Variants in DEFB119 observed in about 807,000 individuals in gnomAD.
DEFB119 encodes defensin beta 119, also known as beta-defensin 119.
A neutral mutation model predicts 2.5 loss-of-function variants in DEFB119; 3 were observed. That is an observed-to-expected ratio of 1.19 (90% CI 0.54 to 3.07). The LOEUF (loss-of-function observed/expected upper bound fraction) is 3.07. DEFB119 is among the 30% of genes most tolerant of loss of function. The pLI is 0.03. For missense variants in DEFB119, 113 were observed against 101.1 expected (o/e 1.12, Z -0.50); for synonymous variants, 29 against 33.7 (o/e 0.86, Z 0.48).
intron 1 of DEFB119, among the ~76,000 whole-genome samples, chr20:31,388,690 G>C (rs1426514548): frequency 2.6e-5 from 4 of 152,022 alleles, no homozygotes; most frequent in Non-Finnish European, 4.4e-5. Flanking sequence ...TCTCAAGATG[G>C]ACCAACTCTC....
intron 1 of DEFB119, among the ~76,000 whole-genome samples, chr20:31,382,299 A>C (rs894288376): frequency 6.6e-6 from 1 of 152,130 alleles, no homozygotes; most frequent in Non-Finnish European, 1.5e-5. Flanking sequence ...AAAAAAACAA[A>C]ATCTAAAAAA....
At chr20:31,378,058 A>G (rs1986366056) in intron 1 of DEFB119, among the ~76,000 whole-genome samples, 1 of 152,158 alleles carries the variant, frequency 6.6e-6, no homozygotes, top group Non-Finnish European at 1.5e-5. Context: ...AGCGGGGACT[A>G]TTATCACTGC....
intron 1 of DEFB119, among the ~76,000 whole-genome samples, chr20:31,380,674 G>A (rs555548619): frequency 2.0e-5 from 3 of 150,152 alleles, no homozygotes; most frequent in East Asian, 2.0e-4. Context: ...ATCATGTGTC[G>A]AAAAGGACCT....
At chr20:31,382,255 A>G (rs911360064) in intron 1 of DEFB119, among the ~76,000 whole-genome samples, 1 of 152,170 alleles carries the variant, frequency 6.6e-6, no homozygotes, top group Non-Finnish European at 1.5e-5. Context: ...AAGTAAAAAT[A>G]TCAATAAATA....
chr20:31,385,237 G>A (rs1394978999), intron 1 of DEFB119, among the ~76,000 whole-genome samples: 1 of 152,020 alleles, frequency 6.6e-6, no homozygotes, highest in Non-Finnish European at 1.5e-5. Flanking sequence ...CTCTACTCAG[G>A]CCTCATTTTA....
chr20:31,379,330 C>T (rs905045927), intron 1 of DEFB119, among the ~76,000 whole-genome samples: 1 of 152,168 alleles, frequency 6.6e-6, no homozygotes, highest in African/African-American at 2.4e-5. Context: ...TTTAGCTGCT[C>T]TAATAAGTAT....
chr20:31,378,066 T>A (rs1206253386), intron 1 of DEFB119, among the ~76,000 whole-genome samples: 1 of 152,210 alleles, frequency 6.6e-6, no homozygotes, highest in Non-Finnish European at 1.5e-5. Flanking sequence ...CTATTATCAC[T>A]GCTGGATGGT....
At chr20:31,387,817 G>C (rs1329586807) in intron 1 of DEFB119, among the ~76,000 whole-genome samples, 1 of 152,176 alleles carries the variant, frequency 6.6e-6, no homozygotes, top group African/African-American at 2.4e-5. Flanking sequence ...AGGAGGGCAG[G>C]CAGAGGCTCC....
At position 31,389,281 on chromosome 20, in the gene DEFB119, G is replaced by T. The variant is rs752655919; in HGVS notation, c.61+1142C>A. On this transcript the variant is annotated intron_variant, in intron 1 of 1. Transcript: ENST00000376321. ...AGCAGATGTTAGTATCCCTCAAGCG[G>T]AGAGAAAAGACAAGGCAGAGGAGGA... 7 of 1,610,320 alleles carry T rather than the reference G, an allele frequency of 4.3e-6. No individual in the cohort carries two copies. The East Asian group carries it at 1.6e-4, about 36-fold the overall frequency.
chr20:31,388,542 C>T (rs1418614383), intron 1 of DEFB119, among the ~76,000 whole-genome samples: 1 of 152,102 alleles, frequency 6.6e-6, no homozygotes, highest in African/African-American at 2.4e-5. Context: ...AAATCATGTG[C>T]TTTATCTTTT....
chr20:31,384,087 T>A (rs1457863511), intron 1 of DEFB119, among the ~76,000 whole-genome samples: 1 of 152,082 alleles, frequency 6.6e-6, no homozygotes, highest in African/African-American at 2.4e-5. Flanking sequence ...ACTAATACAA[T>A]AGATAAGGAT....
At chr20:31,387,893 G>C (rs1038208856) in intron 1 of DEFB119, among the ~76,000 whole-genome samples, 2 of 152,190 alleles carry the variant, frequency 1.3e-5, no homozygotes, top group African/African-American at 4.8e-5. Context: ...AGCCAGAGGA[G>C]GGGCCCCTCT....
intron 1 of DEFB119, among the ~76,000 whole-genome samples, chr20:31,379,792 A>G (rs1368847680): frequency 6.6e-6 from 1 of 151,564 alleles, no homozygotes; most frequent in Non-Finnish European, 1.5e-5. Flanking sequence ...CAGCCTCCCC[A>G]GCAGCTGGGA....
At chr20:31,378,236 A>G (rs1377139240) in intron 1 of DEFB119, 4 of 1,494,778 alleles carry the variant, frequency 2.7e-6, no homozygotes, top group Non-Finnish European at 2.8e-6. Flanking sequence ...ACCACACAGT[A>G]GTAACAGGGC....
At chr20:31,385,380 A>AAC (rs1986657345) in intron 1 of DEFB119, among the ~76,000 whole-genome samples, 1 of 151,520 alleles carries the variant, frequency 6.6e-6, no homozygotes, top group African/African-American at 2.4e-5. Flanking sequence ...AAGACAAAAA[A>AAC]AAAAAAAAAA....
chr20:31,387,830 G>A (rs1048907739), intron 1 of DEFB119, among the ~76,000 whole-genome samples: 2 of 152,154 alleles, frequency 1.3e-5, no homozygotes, highest in African/African-American at 2.4e-5. Flanking sequence ...GAGGCTCCTC[G>A]TGGGCATATT....
chr20:31,378,494 T>A, intron 1 of DEFB119: 2 of 1,546,730 alleles, frequency 1.3e-6, no homozygotes, highest in Non-Finnish European at 1.8e-6. Context: ...AAATTACTCA[T>A]CATACTGAGA....
chr20:31,377,586 T>C (rs1986348922), intron 1 of DEFB119, 147 bp from the exon 2 acceptor site: 1 of 936,132 alleles, frequency 1.1e-6, no homozygotes, highest in African/African-American at 1.7e-5. Flanking sequence ...AAAAAAAGAG[T>C]CAATGTCTTT....
intron 1 of DEFB119, among the ~76,000 whole-genome samples, chr20:31,377,875 A>C (rs1256987705): frequency 1.3e-5 from 2 of 152,230 alleles, no homozygotes; most frequent in African/African-American, 2.4e-5. Context: ...GGAAAGGTCA[A>C]CCTAGCAAGA....
Sources: allele counts gnomAD v4.1 joint callset (sites outside exome capture counted in the v4.1 genomes callset), GRCh38; gene constraint gnomAD v4.1.1; transcripts MANE v1.5; gene names NCBI Gene and HGNC (gene_info 2026-07-23, HGNC 2026-07-21).